The following TCF12 variants were observed in gnomAD, a reference collection of about 807,000 sequenced individuals.
The protein encoded by TCF12 is transcription factor 12.
In TCF12, 45 loss-of-function variants were observed where a neutral mutation model predicts 86.0. The ratio of observed to expected loss-of-function variants is 0.52; its 90% CI spans 0.41 to 0.67. The LOEUF (loss-of-function observed/expected upper bound fraction) is 0.67, where lower values mean the gene tolerates loss of function less well. Among genes scored for constraint, TCF12 ranks in the 30% least tolerant of loss-of-function variants. The pLI is 0.00. For missense variants in TCF12, 881 were observed against 859.9 expected (o/e 1.02, Z -0.31); for synonymous variants, 330 against 299.6 (o/e 1.10, Z -1.05).
At chr15:57,021,523 G>A (rs1398456809) in intron 3 of TCF12, among the ~76,000 whole-genome samples, 3 of 152,198 alleles carry the variant, frequency 2.0e-5, no homozygotes, top group African/African-American at 4.8e-5. Flanking sequence ...GTTTGAGAAT[G>A]CTATTCAGAA....
At chr15:56,978,535 A>G (rs1409016600) in intron 3 of TCF12, among the ~76,000 whole-genome samples, 3 of 152,206 alleles carry the variant, frequency 2.0e-5, no homozygotes, top group Admixed American at 2.0e-4. Flanking sequence ...TTGTTTCAAA[A>G]AGCAAGGGAT....
At chr15:57,284,453 G>A (rs780891992) in intron 20 of TCF12, among the ~76,000 whole-genome samples, 41 of 152,218 alleles carry the variant, frequency 2.7e-4, no homozygotes, top group Admixed American at 6.5e-4. Flanking sequence ...CAAGCGATCC[G>A]ACCACCTCGG....
In TCF12 at chr15:57,197,830, G is replaced by A. The variant is rs768463051; in HGVS notation, c.579+5G>A. 1.2e-6 allele frequency: 2 copies of A among 1,613,696 alleles called. No homozygotes were observed. The highest frequency in any genetic ancestry group is 8.5e-7 in the Non-Finnish European group (1 of 1,179,880). ...CCTCCTGGTTTGCCTTCTTCTGTAAGTACCTATCTTTTTTTAACTTGATGG... is the reference window on the plus strand; with the variant it reads ...CCTCCTGGTTTGCCTTCTTCTGTAAATACCTATCTTTTTTTAACTTGATGG... On this transcript the variant is annotated splice_donor_5th_base_variant and intron_variant, in intron 8 of 20. Transcript: ENST00000333725.
chr15:57,045,502 A>C (rs2067174904), intron 3 of TCF12, among the ~76,000 whole-genome samples: 1 of 152,020 alleles, frequency 6.6e-6, no homozygotes, highest in Non-Finnish European at 1.5e-5. Flanking sequence ...TGCTATAATA[A>C]GTCATTCATG....
intron 3 of TCF12, among the ~76,000 whole-genome samples, chr15:57,052,333 GAACAT>G (rs1422473272): frequency 6.6e-6 from 1 of 152,060 alleles, no homozygotes. Flanking sequence ...TTGGGAGAGT[GAACAT>G]AAGTGGATAA....
At position 56,940,523 on chromosome 15, in the gene TCF12, TCTTCTTCTC is replaced by T. The variant is rs774095966; in HGVS notation, c.148+19443_148+19451del. 4.8e-3 allele frequency among the ~76,000 whole-genome samples: 701 copies of T among 147,200 alleles called. 6 individuals carry two copies. The highest frequency in any genetic ancestry group is 0.017 in the African/African-American group (654 of 38,716). ...TCCTTCTTCTTCTCCTCCTCCTCCTTCTTCTTCTCCTTCTTCTCCTTCTTCTTCCTTTTC... is the reference window on the plus strand; with the variant it reads ...TCCTTCTTCTTCTCCTCCTCCTCCTTCTTCTTCTCCTTCTTCTTCCTTTTC... On this transcript the variant is annotated intron_variant, in intron 3 of 20. Coordinates refer to ENST00000333725, the MANE Select transcript of TCF12 (RefSeq NM_207037.2).
chr15:57,198,163 G>A (rs1343553648), intron 8 of TCF12, among the ~76,000 whole-genome samples: 1 of 152,122 alleles, frequency 6.6e-6, no homozygotes, highest in Non-Finnish European at 1.5e-5. Flanking sequence ...CTGAACAGGA[G>A]GACAGACAGA....
chr15:57,226,011 C>G (rs531772177), intron 8 of TCF12, among the ~76,000 whole-genome samples: 1 of 124,128 alleles, frequency 8.1e-6, no homozygotes, highest in Admixed American at 8.9e-5. Flanking sequence ...TCCCTCCCCC[C>G]TCCCCCCAGA....
intron 5 of TCF12, among the ~76,000 whole-genome samples, chr15:57,116,209 G>A (rs1430951473): frequency 1.3e-5 from 2 of 152,124 alleles, no homozygotes; most frequent in African/African-American, 4.8e-5. Flanking sequence ...ACTATCATGT[G>A]TACTGACCCT....
At position 57,242,699 on chromosome 15, in the gene TCF12, C is replaced by T. The variant is rs181504810; in HGVS notation, c.1036-773C>T. ...AGTGTTCACTCTTGAATTAGATGTA[C>T]TTGAATTAATCTCTGTCACCATTTA... is the stretch of plus-strand genomic sequence containing the variant. On this transcript the variant is annotated intron_variant, in intron 12 of 20. Coordinates refer to ENST00000333725, the MANE Select transcript of TCF12 (RefSeq NM_207037.2). Among the ~76,000 whole-genome samples the T allele has an allele frequency of 2.0e-3, 302 of 152,190 alleles. 2 individuals are homozygous for T. Among genetic ancestry groups the T allele is most frequent in the Non-Finnish European group, 3.6e-3 (242 of 67,996 alleles).
intron 8 of TCF12, among the ~76,000 whole-genome samples, chr15:57,198,697 C>G (rs1295696245): frequency 1.3e-5 from 2 of 151,976 alleles, no homozygotes; most frequent in Non-Finnish European, 2.9e-5. Flanking sequence ...GATTGAGGCC[C>G]CAGTGCCTTG....
chr15:56,949,595 C>T (rs747825577), intron 3 of TCF12, among the ~76,000 whole-genome samples: 3 of 152,138 alleles, frequency 2.0e-5, no homozygotes, highest in Non-Finnish European at 4.4e-5. Flanking sequence ...TTTTGAAAAA[C>T]TTGTTTAAAA....
intron 5 of TCF12, among the ~76,000 whole-genome samples, chr15:57,122,242 G>A (rs766278308): frequency 6.7e-6 from 1 of 148,442 alleles, no homozygotes; most frequent in African/African-American, 2.5e-5. Flanking sequence ...AATTTGCCTT[G>A]TGTTATAGCT....
chr15:57,183,567 G>A (rs556969029), intron 6 of TCF12, among the ~76,000 whole-genome samples: 1 of 152,240 alleles, frequency 6.6e-6, no homozygotes, highest in East Asian at 1.9e-4. Context: ...AAGGTCTCCT[G>A]AAATCTTAGA....
chr15:57,090,382 C>T (rs555445196), intron 4 of TCF12, among the ~76,000 whole-genome samples: 12 of 152,264 alleles, frequency 7.9e-5, no homozygotes, highest in African/African-American at 2.9e-4. Flanking sequence ...TTGTGAATGG[C>T]ACCCAGATTC....
intron 3 of TCF12, among the ~76,000 whole-genome samples, chr15:57,024,034 C>G (rs1483141435): frequency 2.6e-5 from 4 of 152,078 alleles, no homozygotes; most frequent in Non-Finnish European, 4.4e-5. Flanking sequence ...CACTGCTTAC[C>G]TCCTACTGTG....
chr15:57,015,229 A>G (rs766729943), intron 3 of TCF12, among the ~76,000 whole-genome samples: 1 of 152,218 alleles, frequency 6.6e-6, no homozygotes, highest in Non-Finnish European at 1.5e-5. Flanking sequence ...CAGAGGTTGC[A>G]GTGAGCCAAG....
intron 3 of TCF12, among the ~76,000 whole-genome samples, chr15:56,941,011 T>C (rs1284545572): frequency 1.4e-5 from 2 of 147,810 alleles, no homozygotes; most frequent in Non-Finnish European, 3.0e-5. Flanking sequence ...TCTTCTCACC[T>C]CAGCCTCCCA....
At chr15:57,142,283 A>G (rs1253616458) in intron 5 of TCF12, among the ~76,000 whole-genome samples, 4 of 141,712 alleles carry the variant, frequency 2.8e-5, no homozygotes, top group Non-Finnish European at 6.3e-5. Context: ...AATTGATTAT[A>G]TCAGTATTTA....
Sources: gnomAD v4.1 joint callset for allele counts (sites outside exome capture counted in the v4.1 genomes callset) on GRCh38, gnomAD v4.1.1 for gene constraint, MANE v1.5 for transcripts, NCBI Gene and HGNC (gene_info 2026-07-23, HGNC 2026-07-21) for gene names.